TMEM9: variants seen among roughly 807,000 people sequenced by gnomAD.
The protein encoded by TMEM9 is proton-transporting V-type ATPase complex assembly regulator TMEM9.
In TMEM9, 13 loss-of-function variants were observed where a neutral mutation model predicts 22.8. The observed-to-expected ratio is 0.57, with a 90% confidence interval of 0.37 to 0.91. TMEM9 has a LOEUF of 0.91. Ranked by LOEUF, TMEM9 falls within the 40% of genes least tolerant of loss-of-function variation. The pLI is 0.01. For missense variants in TMEM9, 182 were observed against 238.1 expected (o/e 0.76, Z 1.55); for synonymous variants, 88 against 93.0 (o/e 0.95, Z 0.31).
chr1:201,161,477 A>G (rs930482933), intron 1 of TMEM9, among the ~76,000 whole-genome samples: 2 of 152,196 alleles, frequency 1.3e-5, no homozygotes, highest in Non-Finnish European at 2.9e-5. Flanking sequence ...CATTTTTCAA[A>G]ATACACTTCA....
chr1:201,165,150 TTATATATATATATATA>T (rs57281429), intron 1 of TMEM9, among the ~76,000 whole-genome samples: 6 of 87,076 alleles, frequency 6.9e-5, no homozygotes, highest in Non-Finnish European at 1.5e-4. Context: ...TAAGAGAAAA[TTATATATATATATATA>T]TATATATATA....
intron 1 of TMEM9, among the ~76,000 whole-genome samples, chr1:201,159,753 A>G (rs1367815624): frequency 1.3e-5 from 2 of 152,156 alleles, no homozygotes; most frequent in Admixed American, 6.5e-5. Context: ...TAAAAGCATT[A>G]TTCTACCTAA....
At chr1:201,171,267 C>T (rs1666203912) in intron 1 of TMEM9, among the ~76,000 whole-genome samples, 1 of 152,142 alleles carries the variant, frequency 6.6e-6, no homozygotes, top group Non-Finnish European at 1.5e-5. Context: ...GGGCTAAAAG[C>T]GTGAGGCGAA....
At chr1:201,137,308 C>T (rs1205333652) in intron 4 of TMEM9, among the ~76,000 whole-genome samples, 3 of 152,344 alleles carry the variant, frequency 2.0e-5, no homozygotes, top group African/African-American at 7.2e-5. Flanking sequence ...TACAGATCCA[C>T]AGCGGGGGCT....
rs546097431 is a variant in TMEM9 at position 201,135,658 on chromosome 1, C to T, written c.*5G>A. On this transcript the variant is annotated 3_prime_UTR_variant, in exon 5 of 5. Transcript: ENST00000367330. ...TGGGGCCTTGACCCAACCACACCAG[C>T]CCATCTAGCTGAGCATCTTGTGCCG... 46 of 1,605,604 alleles carry T rather than the reference C, an allele frequency of 2.9e-5. No homozygotes were observed. Among genetic ancestry groups the T allele is most frequent in the Non-Finnish European group, 3.6e-5 (42 of 1,175,750 alleles).
chr1:201,163,918 A>G (rs1392920724), intron 1 of TMEM9, among the ~76,000 whole-genome samples: 1 of 152,234 alleles, frequency 6.6e-6, no homozygotes, highest in Non-Finnish European at 1.5e-5. Context: ...TCACATAAAA[A>G]CGTGTGCATG....
chr1:201,146,744 A>ATGG lies in TMEM9; in HGVS notation c.260_262dup (p.Thr87dup). 2 of 1,614,184 alleles carry ATGG rather than the reference A, an allele frequency of 1.2e-6. No homozygotes were observed. Among genetic ancestry groups the ATGG allele is most frequent in the Non-Finnish European group, 1.7e-6 (2 of 1,179,992 alleles). On this transcript the variant is annotated inframe_insertion, in exon 3 of 5. Coordinates refer to ENST00000367330, the MANE Select transcript of TMEM9 (RefSeq NM_001288565.2). ...TTCCTGAGACCCTGGCGTTACCTTG[A>ATGG]TGGTGGTGGTGCTGCGCTCCTCGTA...
intron 1 of TMEM9, among the ~76,000 whole-genome samples, chr1:201,168,648 G>A (rs555639703): frequency 6.6e-6 from 1 of 152,312 alleles, no homozygotes; most frequent in African/African-American, 2.4e-5. Context: ...GAACCTAGGA[G>A]GCAGAGTTTG....
chr1:201,135,899 G>A (rs1663948908), intron 4 of TMEM9, 84 bp from the exon 5 acceptor site: 3 of 1,382,788 alleles, frequency 2.2e-6, no homozygotes, highest in African/African-American at 1.5e-5. Context: ...TGGAAAGAAC[G>A]AACCCCAAAG....
intron 4 of TMEM9, among the ~76,000 whole-genome samples, chr1:201,140,489 G>A (rs12022244): frequency 0.021 from 3,212 of 152,310 alleles, 75 homozygotes; most frequent in East Asian, 0.12. Context: ...CTCTGCCAGC[G>A]CTTTCAAAGG....
At chr1:201,149,063 G>C (rs542863349) in intron 2 of TMEM9, among the ~76,000 whole-genome samples, 39 of 152,302 alleles carry the variant, frequency 2.6e-4, no homozygotes, top group African/African-American at 9.4e-4. Context: ...GGAATCTATG[G>C]ATTTCTCACA....
intron 1 of TMEM9, chr1:201,171,391 A>G (rs1195801113): frequency 6.6e-6 from 1 of 152,302 alleles, no homozygotes; most frequent in Non-Finnish European, 1.5e-5. Context: ...AGGGAGGGGC[A>G]GGAGGCTGGG....
chr1:201,171,116 G>A (rs933706850), intron 1 of TMEM9, among the ~76,000 whole-genome samples: 37 of 152,274 alleles, frequency 2.4e-4, no homozygotes, highest in African/African-American at 8.9e-4. Flanking sequence ...CGGGCCTCCA[G>A]CCAGCCGCCC....
At chr1:201,169,668 T>A (rs530593988) in intron 1 of TMEM9, among the ~76,000 whole-genome samples, 1 of 152,284 alleles carries the variant, frequency 6.6e-6, no homozygotes, top group African/African-American at 2.4e-5. Context: ...CCAGAGAAAT[T>A]TCTTGCTATC....
chr1:201,145,233 T>C (rs1440504001), intron 3 of TMEM9: 1 of 152,092 alleles, frequency 6.6e-6, no homozygotes, highest in African/African-American at 2.4e-5. Context: ...TCTGATGAGG[T>C]CCCCATGCCA....
intron 4 of TMEM9, among the ~76,000 whole-genome samples, chr1:201,142,823 T>C (rs540294081): frequency 6.6e-6 from 1 of 152,326 alleles, no homozygotes; most frequent in South Asian, 2.1e-4. Flanking sequence ...AGCTAGCTGG[T>C]ACATGAGCGC....
chr1:201,147,009 GAA>G (rs1665034168), intron 2 of TMEM9, 161 bp from the exon 3 acceptor site: 6 of 637,514 alleles, frequency 9.4e-6, no homozygotes, highest in Middle Eastern at 8.5e-4. Context: ...TAGGCTGGCA[GAA>G]ACCCTTCCTA....
At chr1:201,163,252 A>C (rs1052806215) in intron 1 of TMEM9, among the ~76,000 whole-genome samples, 1 of 151,978 alleles carries the variant, frequency 6.6e-6, no homozygotes, top group Non-Finnish European at 1.5e-5. Context: ...ATGCCACTGT[A>C]CTCCAGCCTG....
At chr1:201,141,002 T>G (rs1261351121) in intron 4 of TMEM9, among the ~76,000 whole-genome samples, 1 of 152,204 alleles carries the variant, frequency 6.6e-6, no homozygotes, top group African/African-American at 2.4e-5. Context: ...CTCCTTGGGT[T>G]CTGTCCAGCC....
Sources: gnomAD v4.1 joint callset for allele counts (sites outside exome capture counted in the v4.1 genomes callset) on GRCh38, gnomAD v4.1.1 for gene constraint, MANE v1.5 for transcripts, NCBI Gene and HGNC (gene_info 2026-07-23, HGNC 2026-07-21) for gene names.